EPHA7: variants seen among roughly 807,000 people sequenced by gnomAD.
The protein encoded by EPHA7 is EPH receptor A7.
Under a neutral mutation model 112.6 loss-of-function variants are expected in EPHA7, and 25 were observed. The observed-to-expected ratio is 0.22, with a 90% CI of 0.16 to 0.31. EPHA7 has a LOEUF of 0.31. Ranked by LOEUF, EPHA7 falls within the 10% of genes least tolerant of loss-of-function variation. The pLI is 1.00. For missense variants in EPHA7, 962 were observed against 1,212.6 expected (o/e 0.79, Z 3.07); for synonymous variants, 437 against 406.5 (o/e 1.07, Z -0.90).
intron 5 of EPHA7, among the ~76,000 whole-genome samples, chr6:93,344,364 T>C (rs1240655336): frequency 6.6e-6 from 1 of 151,574 alleles, no homozygotes; most frequent in Non-Finnish European, 1.5e-5. Context: ...ATGTCAGGGA[T>C]GTGAGAAAAT....
intron 5 of EPHA7, among the ~76,000 whole-genome samples, chr6:93,298,343 C>CAGAA (rs1263958714): frequency 1.3e-5 from 2 of 151,974 alleles, no homozygotes; most frequent in Non-Finnish European, 2.9e-5. Context: ...AAGATGAACA[C>CAGAA]AGAAATAAAT....
chr6:93,280,440 A>G (rs190024132), intron 5 of EPHA7, among the ~76,000 whole-genome samples: 187 of 151,990 alleles, frequency 1.2e-3, no homozygotes, highest in Middle Eastern at 6.8e-3. Context: ...ATAACCAACA[A>G]CTCCTTGAAT....
chr6:93,333,809 T>C (rs144061687), intron 5 of EPHA7, among the ~76,000 whole-genome samples: 5 of 151,948 alleles, frequency 3.3e-5, no homozygotes, highest in Admixed American at 3.3e-4. Flanking sequence ...CACAAGCAAA[T>C]AGAAAAACAT....
chr6:93,251,916 G>A (rs909669307), intron 14 of EPHA7, among the ~76,000 whole-genome samples: 17 of 151,974 alleles, frequency 1.1e-4, no homozygotes, highest in Non-Finnish European at 1.9e-4. Flanking sequence ...AACTGAATCC[G>A]ACTGTTTCCA....
chr6:93,258,436 G>T lies in EPHA7; in HGVS notation c.1925-152C>A, dbSNP rs1226879277. On this transcript the variant is annotated intron_variant, in intron 10 of 16. Transcript: ENST00000369303. ...TCAAAAATACTTGGTAAAGCCCTGTGAGTTACACTGAATACATTCCCATAT... is the reference window on the plus strand; with the variant it reads ...TCAAAAATACTTGGTAAAGCCCTGTTAGTTACACTGAATACATTCCCATAT... 3.9e-6 allele frequency: 3 copies of T among 777,474 alleles called. No individual in the cohort carries two copies. The East Asian group carries it at 8.3e-5, about 21-fold the overall frequency. 48.2% of individuals were successfully genotyped at this position (777,474 alleles called of 1,614,324 possible). A position where few individuals can be genotyped will look rare whatever the true frequency, so the allele number is the denominator to read the frequency against.
intron 7 of EPHA7, among the ~76,000 whole-genome samples, chr6:93,266,634 A>G (rs1770953407): frequency 6.6e-6 from 1 of 151,702 alleles, no homozygotes; most frequent in Non-Finnish European, 1.5e-5. Flanking sequence ...TGTGCAATGG[A>G]AGAGACTGTC....
intron 5 of EPHA7, among the ~76,000 whole-genome samples, chr6:93,351,161 C>T (rs1174347220): frequency 6.6e-6 from 1 of 152,028 alleles, no homozygotes; most frequent in Non-Finnish European, 1.5e-5. Flanking sequence ...TAACACCTTG[C>T]TCACTCCTAG....
At chr6:93,384,773 T>G (rs1342959795) in intron 3 of EPHA7, among the ~76,000 whole-genome samples, 2 of 152,212 alleles carry the variant, frequency 1.3e-5, no homozygotes, top group African/African-American at 4.8e-5. Context: ...TTGTAACTTG[T>G]TATTGAACGA....
intron 2 of EPHA7, among the ~76,000 whole-genome samples, chr6:93,413,090 T>C (rs115662436): frequency 0.019 from 2,905 of 152,058 alleles, 100 homozygotes; most frequent in African/African-American, 0.067. Context: ...AATGACGCCA[T>C]TGGGAAAAAT....
intron 3 of EPHA7, among the ~76,000 whole-genome samples, chr6:93,390,215 G>T (rs991958661): frequency 6.7e-6 from 1 of 148,538 alleles, no homozygotes; most frequent in Non-Finnish European, 1.5e-5. Flanking sequence ...AACTGGTCTG[G>T]ATTCTCAAAA....
At chr6:93,418,440 G>A (rs572902887) in intron 1 of EPHA7, among the ~76,000 whole-genome samples, 2 of 152,342 alleles carry the variant, frequency 1.3e-5, no homozygotes, top group Admixed American at 1.3e-4. Flanking sequence ...GCACTATGGG[G>A]CAAATAATTG....
chr6:93,418,925 A>G (rs570804553), intron 1 of EPHA7, among the ~76,000 whole-genome samples: 2 of 152,262 alleles, frequency 1.3e-5, no homozygotes, highest in South Asian at 2.1e-4. Flanking sequence ...CTGAGGTACT[A>G]AGAAATAAGC....
chr6:93,399,785 G>C (rs1309983818), intron 3 of EPHA7, among the ~76,000 whole-genome samples: 2 of 151,938 alleles, frequency 1.3e-5, no homozygotes, highest in East Asian at 1.9e-4. Context: ...AAAGGAGAAA[G>C]GAAACTGGAA....
chr6:93,288,755 A>G (rs1326092955), intron 5 of EPHA7, among the ~76,000 whole-genome samples: 1 of 152,106 alleles, frequency 6.6e-6, no homozygotes, highest in East Asian at 1.9e-4. Context: ...CCAAGTTGAG[A>G]TATCATTCTG....
chr6:93,261,837 G>GA (rs1377150147), intron 9 of EPHA7, among the ~76,000 whole-genome samples: 2 of 151,370 alleles, frequency 1.3e-5, no homozygotes, highest in Non-Finnish European at 3.0e-5. Context: ...TGTGAAATGT[G>GA]AAAAAAGTGA....
intron 5 of EPHA7, among the ~76,000 whole-genome samples, chr6:93,279,558 G>T (rs1262822374): frequency 1.3e-5 from 2 of 152,096 alleles, no homozygotes; most frequent in African/African-American, 4.8e-5. Context: ...GCAAAATGTG[G>T]CAATTGTTAA....
intron 5 of EPHA7, among the ~76,000 whole-genome samples, chr6:93,315,637 T>A (rs1229252158): frequency 1.3e-5 from 2 of 152,230 alleles, no homozygotes; most frequent in Non-Finnish European, 2.9e-5. Context: ...TGTAGATGAA[T>A]AAGTGATTTG....
In EPHA7 at chr6:93,410,769, A is replaced by G. The variant is rs762455691; in HGVS notation, c.564T>C (p.Asp188=). 2.5e-6 allele frequency: 4 copies of G among 1,614,096 alleles called. No individual in the cohort carries two copies. The South Asian group carries it at 4.4e-5, about 18-fold the overall frequency. ...SKKGFYLAFQ[D]VGACIALVSV... is the part of the protein sequence containing the mutation. ...AAACCAAAGCTATGCAAGCCCCTAC[A>G]TCCTGAAAGGCAAGATAGAATCCCT... Residue 188 remains aspartate (D), a synonymous_variant, in exon 3 of 17, where the codon GAT becomes GAC. Transcript: ENST00000369303. This position sits in a 1 kb window ranked among gnomAD's most constrained non-coding sequence, Gnocchi z 4.0.
intron 5 of EPHA7, among the ~76,000 whole-genome samples, chr6:93,290,743 A>G (rs927702103): frequency 6.6e-6 from 1 of 152,200 alleles, no homozygotes; most frequent in Non-Finnish European, 1.5e-5. Context: ...AACACAGGGT[A>G]TGAGTACCTT....
Sources: allele counts gnomAD v4.1 joint callset (sites outside exome capture counted in the v4.1 genomes callset), GRCh38; gene constraint gnomAD v4.1.1; non-coding constraint Gnocchi (gnomAD v3.1); transcripts MANE v1.5; gene names NCBI Gene and HGNC (gene_info 2026-07-23, HGNC 2026-07-21).